Variants in TRHDE observed in about 807,000 individuals in gnomAD.
The protein encoded by TRHDE is thyrotropin-releasing hormone-degrading ectoenzyme.
In TRHDE, 72 loss-of-function variants were observed where a neutral mutation model predicts 125.7. That is an observed-to-expected ratio of 0.57 (90% CI 0.47 to 0.70). The LOEUF (loss-of-function observed/expected upper bound fraction) is 0.70. Among genes scored for constraint, TRHDE ranks in the 30% least tolerant of loss-of-function variants. The pLI is 0.00. For synonymous variants in TRHDE, 509 were observed against 509.1 expected (o/e 1.00, Z 0.00); for missense variants, 1,110 against 1,327.1 (o/e 0.84, Z 2.54).
chr12:72,653,105 G>T lies in TRHDE; in HGVS notation c.2933G>T (p.Arg978Leu), dbSNP rs769065424. 6.2e-7 allele frequency: 1 copy of T among 1,609,612 alleles called. No homozygotes were observed. Among genetic ancestry groups the T allele is most frequent in the East Asian group, 2.2e-5 (1 of 44,608 alleles). ...CATGTAGCTCGAAATCCACATGGTCGAGACCTTGCCTGGAAGTTTTTCAGG... is the reference window on the plus strand; with the variant it reads ...CATGTAGCTCGAAATCCACATGGTCTAGACCTTGCCTGGAAGTTTTTCAGG... ...IIHVARNPHG[R>L]DLAWKFFRDK... The change falls in exon 17 of 19, where the codon CGA becomes CTA. Residue 978 changes from arginine (R) to leucine (L), a missense_variant. Transcript: ENST00000261180.
At chr12:72,171,680 AACT>A (rs1876877809) in intron 2 of TRHDE, among the ~76,000 whole-genome samples, 1 of 152,200 alleles carries the variant, frequency 6.6e-6, no homozygotes, top group East Asian at 1.9e-4. Context: ...CATGCTGCAG[AACT>A]GAGTGGGACC....
intron 2 of TRHDE, among the ~76,000 whole-genome samples, chr12:72,114,996 G>A (rs1371187728): frequency 6.6e-6 from 1 of 151,562 alleles, no homozygotes; most frequent in African/African-American, 2.4e-5. Flanking sequence ...ATATTAATGG[G>A]GTGTATGAGA....
intron 17 of TRHDE, among the ~76,000 whole-genome samples, chr12:72,656,030 T>C (rs955376057): frequency 5.9e-5 from 9 of 152,164 alleles, no homozygotes; most frequent in African/African-American, 2.2e-4. Flanking sequence ...GGAAAACCTA[T>C]TATAACAGTG....
At chr12:72,575,465 T>C in intron 11 of TRHDE, 22 bp from the exon 12 acceptor site, 1 of 1,613,558 alleles carries the variant, frequency 6.2e-7, no homozygotes, top group Non-Finnish European at 8.5e-7. Flanking sequence ...ATTATCCTAT[T>C]ATTTTTTCTA....
intron 2 of TRHDE, among the ~76,000 whole-genome samples, chr12:72,180,932 G>A (rs1263766169): frequency 2.0e-5 from 3 of 152,046 alleles, no homozygotes; most frequent in Non-Finnish European, 4.4e-5. Flanking sequence ...ATACAACTAT[G>A]GTAAAACTTT....
At chr12:72,259,369 T>C (rs1327751206) in intron 2 of TRHDE, among the ~76,000 whole-genome samples, 1 of 152,148 alleles carries the variant, frequency 6.6e-6, no homozygotes, top group Non-Finnish European at 1.5e-5. Context: ...TCATTGTTTT[T>C]CTGAGAACTT....
chr12:72,396,629 A>G (rs909858719), intron 3 of TRHDE, among the ~76,000 whole-genome samples: 1 of 152,114 alleles, frequency 6.6e-6, no homozygotes, highest in African/African-American at 2.4e-5. Flanking sequence ...CTGTACTCCC[A>G]GCTACTTGGG....
intron 12 of TRHDE, among the ~76,000 whole-genome samples, chr12:72,613,009 A>C (rs761348050): frequency 3.9e-5 from 6 of 152,182 alleles, no homozygotes; most frequent in Non-Finnish European, 8.8e-5. Context: ...AAATTGCAAA[A>C]TAAATGTTTC....
intron 1 of TRHDE, among the ~76,000 whole-genome samples, chr12:72,093,338 G>A (rs974657290): frequency 1.3e-5 from 2 of 152,168 alleles, no homozygotes; most frequent in African/African-American, 2.4e-5. Context: ...AGTCCTTTGA[G>A]TGTCACAAAA....
chr12:72,124,508 G>A lies in TRHDE; in HGVS notation n.279+18756G>A, dbSNP rs569429416. On this transcript the variant is annotated intron_variant and non_coding_transcript_variant, in intron 2 of 4. Coordinates refer to the TRHDE transcript ENST00000548156. Reference sequence around the variant, plus strand: ...GTTTGTGGGATAGAAGTAGTTGCAAGATTAAATAGAGTGATCAGGTTAGGC... The same window carrying A: ...GTTTGTGGGATAGAAGTAGTTGCAAAATTAAATAGAGTGATCAGGTTAGGC... Among the ~76,000 whole-genome samples the A allele has an allele frequency of 3.3e-5, 5 of 152,254 alleles. No homozygotes were observed. In the East Asian group the frequency reaches 9.6e-4, roughly 29 times the overall value.
chr12:72,192,667 T>A (rs1877364220), intron 2 of TRHDE, among the ~76,000 whole-genome samples: 1 of 152,142 alleles, frequency 6.6e-6, no homozygotes. Context: ...TGTTGTGGTA[T>A]GAACTTAAGT....
At chr12:72,133,283 T>A (rs1181421134) in intron 2 of TRHDE, among the ~76,000 whole-genome samples, 3 of 152,132 alleles carry the variant, frequency 2.0e-5, no homozygotes, top group African/African-American at 7.2e-5. Context: ...GCAGTAACAG[T>A]GTAAGTAGAA....
At chr12:72,363,890 A>G (rs1226345188) in intron 2 of TRHDE, among the ~76,000 whole-genome samples, 2 of 151,994 alleles carry the variant, frequency 1.3e-5, no homozygotes, top group African/African-American at 4.8e-5. Context: ...TCAGCCCAAA[A>G]TCTCCTTAAG....
chr12:72,287,249 G>A (rs1291192109), intron 2 of TRHDE, among the ~76,000 whole-genome samples: 1 of 152,024 alleles, frequency 6.6e-6, no homozygotes, highest in Non-Finnish European at 1.5e-5. Flanking sequence ...AACAGCTACT[G>A]TTGTCTCTTT....
At chr12:72,414,731 TATTA>T in intron 3 of TRHDE, among the ~76,000 whole-genome samples, 1 of 152,266 alleles carries the variant, frequency 6.6e-6, no homozygotes, top group Non-Finnish European at 1.5e-5. Flanking sequence ...ACATGGAATG[TATTA>T]ATTGATCTCT....
At chr12:72,647,637 A>G (rs186263218) in intron 15 of TRHDE, among the ~76,000 whole-genome samples, 1 of 152,196 alleles carries the variant, frequency 6.6e-6, no homozygotes, top group Admixed American at 6.6e-5. Flanking sequence ...AAAAGAAACT[A>G]CTATGAACAA....
chr12:72,384,788 A>G (rs1213651136), intron 3 of TRHDE, among the ~76,000 whole-genome samples: 1 of 152,040 alleles, frequency 6.6e-6, no homozygotes, highest in Non-Finnish European at 1.5e-5. Flanking sequence ...AAACATATAT[A>G]TTTTTTATTG....
chr12:72,331,361 A>AAAATATAC (rs1565701476), intron 2 of TRHDE, among the ~76,000 whole-genome samples: 7 of 69,036 alleles, frequency 1.0e-4, no homozygotes, highest in Non-Finnish European at 1.3e-4. Flanking sequence ...CAAGAAAATA[A>AAAATATAC]TGGAAAAAGC....
intron 7 of TRHDE, among the ~76,000 whole-genome samples, chr12:72,546,542 C>T (rs1011082700): frequency 6.6e-6 from 1 of 151,602 alleles, no homozygotes; most frequent in African/African-American, 2.4e-5. Flanking sequence ...TCCTATCACT[C>T]ATTATTAATG....
Sources: gnomAD v4.1 joint callset for allele counts (sites outside exome capture counted in the v4.1 genomes callset) on GRCh38, gnomAD v4.1.1 for gene constraint, MANE v1.5 for transcripts, NCBI Gene and HGNC (gene_info 2026-07-23, HGNC 2026-07-21) for gene names.